SEC22C: variants seen among roughly 807,000 people sequenced by gnomAD.
The protein encoded by SEC22C is vesicle-trafficking protein SEC22c.
A neutral mutation model predicts 34.7 loss-of-function variants in SEC22C; 29 were observed. The ratio of observed to expected loss-of-function variants is 0.84; its 90% CI spans 0.62 to 1.14. The LOEUF (loss-of-function observed/expected upper bound fraction) is 1.14, where lower values mean the gene tolerates loss of function less well. SEC22C is among the 50% of genes most tolerant of loss of function. The pLI, the probability that SEC22C is intolerant of heterozygous loss-of-function variation, is 0.00. For missense variants in SEC22C, 337 were observed against 369.0 expected, an observed-to-expected ratio of 0.91 and a Z score of 0.71; for synonymous variants, 117 against 132.8, an observed-to-expected ratio of 0.88 and a Z score of 0.82.
chr3:42,549,383 C>A lies in SEC22C; in HGVS notation c.*3865G>T. On this transcript the variant is annotated 3_prime_UTR_variant, in exon 7 of 7. Transcript: ENST00000264454. The stretch of plus-strand genomic sequence containing the variant: ...TCCTTCACAGAACAGCAAATAGCAG[C>A]CCTGGCTACAAGGTGCAGTGTGCAA... 2 of 985,612 alleles carry A rather than the reference C, an allele frequency of 2.0e-6. No homozygotes were observed. The highest frequency in any genetic ancestry group is 2.4e-6 in the Non-Finnish European group (2 of 830,062). The allele number at this position is 985,612 out of a possible 1,614,324, so 61.1% of individuals were successfully genotyped here. A position where few individuals can be genotyped will look rare whatever the true frequency, so the allele number is the denominator to read the frequency against.
Position 42,550,362 on chromosome 3 carries a change from C to T in SEC22C, c.*2886G>A, listed in dbSNP as rs114202043. 30,807 of 985,396 alleles carry T rather than the reference C, an allele frequency of 0.031. 524 individuals carry two copies. Among genetic ancestry groups the T allele is most frequent in the Non-Finnish European group, 0.034 (28,356 of 829,924 alleles). The allele number at this position is 985,396 out of a possible 1,614,324, so 61.0% of individuals were successfully genotyped here. Reference sequence around the variant, plus strand: ...TGAGTCCATGGTGGAGTGAGGATAACTCCTGGGATTTGGAACCAGTTTGCT... The same window carrying T: ...TGAGTCCATGGTGGAGTGAGGATAATTCCTGGGATTTGGAACCAGTTTGCT... On this transcript the variant is annotated 3_prime_UTR_variant, in exon 7 of 7. Coordinates refer to ENST00000264454, the MANE Select transcript of SEC22C (RefSeq NM_032970.4).
At position 42,563,697 on chromosome 3, in the gene SEC22C, A is replaced by C. The variant is rs1559518231; in HGVS notation, c.183-11T>G. On this transcript the variant is annotated splice_polypyrimidine_tract_variant and intron_variant, in intron 2 of 6. Coordinates refer to ENST00000264454, the MANE Select transcript of SEC22C (RefSeq NM_032970.4). ...CCGAAAGAAGAAAAACTGAAACAAAAGGGCAATATCTGTATTACCAGGAAA... is the reference window on the plus strand; with the variant it reads ...CCGAAAGAAGAAAAACTGAAACAAACGGGCAATATCTGTATTACCAGGAAA... 1 of 1,613,468 alleles carries C rather than the reference A, an allele frequency of 6.2e-7. No individual in the cohort carries two copies. Among genetic ancestry groups the C allele is most frequent in the East Asian group, 2.2e-5 (1 of 44,840 alleles).
At chr3:42,576,839 G>T (rs1457861482) in intron 1 of SEC22C, among the ~76,000 whole-genome samples, 1 of 151,694 alleles carries the variant, frequency 6.6e-6, no homozygotes, top group Admixed American at 6.6e-5. Flanking sequence ...TCTGAAAAAA[G>T]AATAAAATAG....
chr3:42,563,704 T>C lies in SEC22C; in HGVS notation c.183-18A>G. 2 of 1,613,354 alleles carry C rather than the reference T, an allele frequency of 1.2e-6. No individual in the cohort carries two copies. Among genetic ancestry groups the C allele is most frequent in the South Asian group, 1.1e-5 (1 of 91,000 alleles). On this transcript the variant is annotated intron_variant, in intron 2 of 6. Transcript: ENST00000264454. ...AAGAAAAACTGAAACAAAAGGGCAA[T>C]ATCTGTATTACCAGGAAACAGCCCC...
Position 42,552,911 on chromosome 3 carries a change from C to T in SEC22C, c.*337G>A. 1 of 1,073,350 alleles carries T rather than the reference C, an allele frequency of 9.3e-7. No individual in the cohort carries two copies. The highest frequency in any genetic ancestry group is 1.1e-6 in the Non-Finnish European group (1 of 884,904). The allele number at this position is 1,073,350 out of a possible 1,614,324, so 66.5% of individuals were successfully genotyped here. A position where few individuals can be genotyped will look rare whatever the true frequency, so the allele number is the denominator to read the frequency against. On this transcript the variant is annotated 3_prime_UTR_variant, in exon 7 of 7. Coordinates refer to ENST00000264454, the MANE Select transcript of SEC22C (RefSeq NM_032970.4). ...ATGACTAAAACCAGTGTTATTGAAT[C>T]AAGTGGTTTACTGTATCATTCAACT...
chr3:42,562,039 G>A (rs1404085409), intron 3 of SEC22C, among the ~76,000 whole-genome samples: 2 of 152,040 alleles, frequency 1.3e-5, no homozygotes, highest in East Asian at 3.9e-4. Context: ...TGAATACGTT[G>A]TGGAAACTAG....
chr3:42,551,511 T>C lies in SEC22C; in HGVS notation c.*1737A>G. Reference sequence around the variant, plus strand: ...CATGTGCCATCACATCCGGCTAATTTTTTTTTTTGTAGAGATGAATCTTAC... The same window carrying C: ...CATGTGCCATCACATCCGGCTAATTCTTTTTTTTGTAGAGATGAATCTTAC... On this transcript the variant is annotated 3_prime_UTR_variant, in exon 7 of 7. Transcript: ENST00000264454. The C allele has an allele frequency of 2.1e-6, 1 of 484,224 alleles. No individual in the cohort carries two copies. The highest frequency in any genetic ancestry group is 2.7e-6 in the Non-Finnish European group (1 of 372,388). 30.0% of individuals were successfully genotyped at this position (484,224 alleles called of 1,614,324 possible).
chr3:42,567,685 T>C (rs556268958), intron 2 of SEC22C, among the ~76,000 whole-genome samples: 1 of 152,344 alleles, frequency 6.6e-6, no homozygotes, highest in South Asian at 2.1e-4. Context: ...TAGTTATATA[T>C]TTCTCTTGTT....
chr3:42,552,444 T>C lies in SEC22C; in HGVS notation c.*804A>G. ...ACTCCAGGTTGTGGTCAATTGTAAG[T>C]AATCCTGAAATTCTCATTTCTGCTC... On this transcript the variant is annotated 3_prime_UTR_variant, in exon 7 of 7. Transcript: ENST00000264454. 1 of 985,324 alleles carries C rather than the reference T, an allele frequency of 1.0e-6. No homozygotes were observed. The highest frequency in any genetic ancestry group is 1.2e-6 in the Non-Finnish European group (1 of 829,824). The allele number at this position is 985,324 out of a possible 1,614,324, so 61.0% of individuals were successfully genotyped here.
At chr3:42,593,105 ATTAT>A (rs1704909632) in intron 1 of SEC22C, among the ~76,000 whole-genome samples, 4 of 152,132 alleles carry the variant, frequency 2.6e-5, no homozygotes, top group Admixed American at 6.5e-5. Flanking sequence ...TAATCTAGAG[ATTAT>A]TTAAACTGTG....
chr3:42,583,892 C>T (rs1704519383), upstream of SEC22C, among the ~76,000 whole-genome samples: 1 of 152,222 alleles, frequency 6.6e-6, no homozygotes, highest in Non-Finnish European at 1.5e-5. Context: ...AGCCTTTGGA[C>T]TCCAAGACTT....
In SEC22C at chr3:42,553,028, T is replaced by C; in HGVS notation, c.*220A>G. 1 of 1,391,012 alleles carries C rather than the reference T, an allele frequency of 7.2e-7. No individual in the cohort carries two copies. The highest frequency in any genetic ancestry group is 9.3e-7 in the Non-Finnish European group (1 of 1,075,142). The allele number at this position is 1,391,012 out of a possible 1,614,324, so 86.2% of individuals were successfully genotyped here. A position where few individuals can be genotyped will look rare whatever the true frequency, so the allele number is the denominator to read the frequency against. On this transcript the variant is annotated 3_prime_UTR_variant, in exon 7 of 7. Coordinates refer to ENST00000264454, the MANE Select transcript of SEC22C (RefSeq NM_032970.4). ...GCTGTCCTAGGTAAACGTGCTGAAC[T>C]GGCTGGAGATCCTGCAGTAATGCTT...
rs950111853 is a variant in SEC22C at position 42,548,602 on chromosome 3, CA to C, written c.*4645del. 2.5e-6 allele frequency: 4 copies of C among 1,613,476 alleles called. No individual in the cohort carries two copies. Among genetic ancestry groups the C allele is most frequent in the African/African-American group, 2.7e-5 (2 of 74,894 alleles). On this transcript the variant is annotated 3_prime_UTR_variant, in exon 7 of 7. Coordinates refer to ENST00000264454, the MANE Select transcript of SEC22C (RefSeq NM_032970.4). Reference sequence around the variant, plus strand: ...GAATCAGAGCTCTCCTCATTTGGGTCAGGGGTGGCTGGCTCACGAGGTTTGG... The same window carrying C: ...GAATCAGAGCTCTCCTCATTTGGGTCGGGGTGGCTGGCTCACGAGGTTTGG...
chr3:42,586,113 C>T (rs151220615), upstream of SEC22C, among the ~76,000 whole-genome samples: 71 of 152,306 alleles, frequency 4.7e-4, no homozygotes, highest in East Asian at 0.012. Flanking sequence ...GTGAACACTC[C>T]ATTGCTTCAC....
intron 1 of SEC22C, chr3:42,581,458 C>A (rs1315033796): frequency 6.6e-6 from 1 of 152,242 alleles, no homozygotes; most frequent in African/African-American, 2.4e-5. Flanking sequence ...TCTAATAACA[C>A]GGGCATGCTA....
upstream of SEC22C, among the ~76,000 whole-genome samples, chr3:42,582,963 G>A (rs1307677817): frequency 6.6e-6 from 1 of 152,204 alleles, no homozygotes; most frequent in Non-Finnish European, 1.5e-5. Context: ...ACACAACAAT[G>A]TGAATGTACC....
intron 2 of SEC22C, chr3:42,563,921 T>G: frequency 1.4e-6 from 2 of 1,405,262 alleles, no homozygotes; most frequent in Non-Finnish European, 1.9e-6. Context: ...TCACTCTTAT[T>G]TATTCATGCA....
At chr3:42,601,074 A>C (rs767019225) in exon 1 of SEC22C, 1 of 1,559,212 alleles carries the variant, frequency 6.4e-7, no homozygotes, top group Admixed American at 1.9e-5. Flanking sequence ...GGTGAGCTGG[A>C]AACTGGGGAG....
intron 1 of SEC22C, among the ~76,000 whole-genome samples, chr3:42,589,578 G>A (rs941501585): frequency 2.6e-5 from 4 of 152,230 alleles, no homozygotes; most frequent in Non-Finnish European, 4.4e-5. Context: ...CATTACCGCC[G>A]AGCATTCTGC....
Sources: allele counts gnomAD v4.1 joint callset (sites outside exome capture counted in the v4.1 genomes callset), GRCh38; gene constraint gnomAD v4.1.1; transcripts MANE v1.5; gene names NCBI Gene and HGNC (gene_info 2026-07-23, HGNC 2026-07-21).